The following SOBP variants were observed in gnomAD, a reference collection of about 807,000 sequenced individuals.
The protein encoded by SOBP is sine oculis binding protein homolog.
Under a neutral mutation model 53.6 loss-of-function variants are expected in SOBP, and 4 were observed. The observed-to-expected ratio is 0.07, with a 90% confidence interval of 0.04 to 0.17. The LOEUF is 0.17. Among genes scored for constraint, SOBP ranks in the 10% least tolerant of loss-of-function variants. SOBP has a pLI of 1.00. For synonymous variants in SOBP, 584 were observed against 522.6 expected (o/e 1.12, Z -1.60); for missense variants, 1,088 against 1,204.7 (o/e 0.90, Z 1.43).
At chr6:107,624,921 G>A (rs1248685356) in intron 5 of SOBP, among the ~76,000 whole-genome samples, 1 of 152,214 alleles carries the variant, frequency 6.6e-6, no homozygotes, top group East Asian at 1.9e-4. Flanking sequence ...TCTTAATCCT[G>A]TAATTTGTAG....
intron 4 of SOBP, among the ~76,000 whole-genome samples, chr6:107,553,485 C>T (rs1232190585): frequency 6.6e-6 from 1 of 150,796 alleles, no homozygotes; most frequent in Non-Finnish European, 1.5e-5. Context: ...CACGCCACTA[C>T]ACCTGGCTAA....
At chr6:107,554,750 A>G (rs1784559292) in intron 4 of SOBP, among the ~76,000 whole-genome samples, 1 of 152,190 alleles carries the variant, frequency 6.6e-6, no homozygotes, top group Non-Finnish European at 1.5e-5. Context: ...CTGTTCTGGA[A>G]AAAACGCATC....
At chr6:107,569,049 TG>T (rs1446471273) in intron 4 of SOBP, among the ~76,000 whole-genome samples, 1 of 152,168 alleles carries the variant, frequency 6.6e-6, no homozygotes, top group Non-Finnish European at 1.5e-5. Context: ...AAAATCTATT[TG>T]GGGGGCAGGT....
chr6:107,648,659 G>A (rs1771663182), intron 6 of SOBP, among the ~76,000 whole-genome samples: 1 of 152,048 alleles, frequency 6.6e-6, no homozygotes, highest in Admixed American at 6.5e-5. Context: ...TCAGGGCAAA[G>A]AAGGGGGGAG....
intron 4 of SOBP, among the ~76,000 whole-genome samples, chr6:107,549,447 A>AG (rs1470313120): frequency 4.4e-4 from 2 of 4,522 alleles, no homozygotes; most frequent in East Asian, 5.9e-3. Context: ...ATAGAAACTC[A>AG]GGAAAAAAAA....
chr6:107,616,905 G>T (rs1213940655), intron 5 of SOBP, among the ~76,000 whole-genome samples: 2 of 152,150 alleles, frequency 1.3e-5, no homozygotes, highest in East Asian at 3.9e-4. Flanking sequence ...AGTGCCATTT[G>T]CATCCAGGCA....
intron 5 of SOBP, among the ~76,000 whole-genome samples, chr6:107,625,511 G>A (rs1224750567): frequency 2.0e-5 from 3 of 152,212 alleles, no homozygotes; most frequent in African/African-American, 4.8e-5. Context: ...CAGAAAGTGG[G>A]CTAAGGTAGT....
chr6:107,504,126 C>T lies in SOBP; in HGVS notation c.235+331C>T, dbSNP rs145837472. ...GAGTTTCCTGATCACTTTGATAGAT[C>T]ATCATCTGTTGGGGACTGGGGTTTC... On this transcript the variant is annotated intron_variant, in intron 2 of 6. Coordinates refer to ENST00000317357, the MANE Select transcript of SOBP (RefSeq NM_018013.4). 8.5e-5 allele frequency among the ~76,000 whole-genome samples: 13 copies of T among 152,308 alleles called. No homozygotes were observed. In the East Asian group the frequency reaches 2.3e-3, roughly 27 times the overall value.
chr6:107,616,041 A>C (rs1287734526), intron 5 of SOBP, among the ~76,000 whole-genome samples: 1 of 132,988 alleles, frequency 7.5e-6, no homozygotes, highest in African/African-American at 2.9e-5. Context: ...AAAAAGAAAA[A>C]AAAAAGAAAA....
At chr6:107,623,005 C>T (rs975059124) in intron 5 of SOBP, among the ~76,000 whole-genome samples, 5 of 152,176 alleles carry the variant, frequency 3.3e-5, no homozygotes, top group African/African-American at 1.2e-4. Flanking sequence ...ACTTTGACCA[C>T]CATCTGATTA....
In SOBP at chr6:107,591,426, G is replaced by T. The variant is rs147119644; in HGVS notation, c.669+4251G>T. 2.4e-4 allele frequency among the ~76,000 whole-genome samples: 37 copies of T among 152,208 alleles called. 1 individual carries two copies. Among genetic ancestry groups the T allele is most frequent in the Non-Finnish European group, 4.4e-5 (3 of 68,040 alleles). ...TTGGAGTACAGAGGAGGAAGAGATT[G>T]TTTCTGTATGCAGTCATTAAAAACT... On this transcript the variant is annotated intron_variant, in intron 5 of 6. Transcript: ENST00000317357.
At position 107,661,189 on chromosome 6, in the gene SOBP, G is replaced by T. The variant is rs115697522; in HGVS notation, c.*2986G>T. Among the ~76,000 whole-genome samples, 627 of 152,224 alleles carry T rather than the reference G, an allele frequency of 4.1e-3. 5 individuals carry two copies. The highest frequency in any genetic ancestry group is 0.014 in the African/African-American group (593 of 41,528). Reference sequence around the variant, plus strand: ...TGTTCCAGCATAGAAAGATTCTGTGGCATCTCATAAGCCATCAGCACCCCT... The same window carrying T: ...TGTTCCAGCATAGAAAGATTCTGTGTCATCTCATAAGCCATCAGCACCCCT... On this transcript the variant is annotated 3_prime_UTR_variant, in exon 7 of 7. Transcript: ENST00000317357.
At chr6:107,574,610 C>T (rs781150563) in intron 4 of SOBP, among the ~76,000 whole-genome samples, 11 of 152,134 alleles carry the variant, frequency 7.2e-5, no homozygotes, top group Non-Finnish European at 1.2e-4. Context: ...CCCATCTCTA[C>T]GCAGGGTTTC....
intron 2 of SOBP, among the ~76,000 whole-genome samples, chr6:107,505,981 A>G (rs1481610083): frequency 6.6e-6 from 1 of 152,216 alleles, no homozygotes; most frequent in East Asian, 1.9e-4. Context: ...GGAATTTTAC[A>G]GTGCTAAAAT....
chr6:107,599,001 G>A (rs961506013), intron 5 of SOBP, among the ~76,000 whole-genome samples: 4 of 152,108 alleles, frequency 2.6e-5, no homozygotes, highest in Admixed American at 2.0e-4. Flanking sequence ...GGATCAGTAC[G>A]ATTTAAACTA....
Position 107,493,001 on chromosome 6 carries a change from A to G in SOBP, c.96+2289A>G, listed in dbSNP as rs370272339. 3.5e-4 allele frequency among the ~76,000 whole-genome samples: 53 copies of G among 152,306 alleles called. No individual in the cohort carries two copies. The South Asian group carries it at 9.9e-3, about 29-fold the overall frequency. ...GTCCTCACTTAAAAAGTGGTTTCTC[A>G]AAGTCAAAAGGTGGAAGGATTATTT... is the stretch of plus-strand genomic sequence containing the variant. On this transcript the variant is annotated intron_variant, in intron 1 of 6. Coordinates refer to ENST00000317357, the MANE Select transcript of SOBP (RefSeq NM_018013.4).
chr6:107,523,681 T>C (rs1254307393), intron 3 of SOBP, among the ~76,000 whole-genome samples: 1 of 152,190 alleles, frequency 6.6e-6, no homozygotes, highest in Non-Finnish European at 1.5e-5. Context: ...AGGAGGGACT[T>C]GGCTTGCTCT....
rs941209224 is a variant in SOBP at position 107,548,444 on chromosome 6, G to A, written c.573+14834G>A. Among the ~76,000 whole-genome samples the A allele has an allele frequency of 7.2e-5, 11 of 152,016 alleles. No individual in the cohort carries two copies. The East Asian group carries it at 1.6e-3, about 22-fold the overall frequency. ...TTTTTAGTAGAGACAGGGTTTCATT[G>A]TGTTAGCCAGGATGGTCTCCATCTC... On this transcript the variant is annotated intron_variant, in intron 4 of 6. Coordinates refer to ENST00000317357, the MANE Select transcript of SOBP (RefSeq NM_018013.4).
intron 5 of SOBP, among the ~76,000 whole-genome samples, chr6:107,607,639 A>ATCATGTGAAGT (rs1786434592): frequency 6.6e-6 from 1 of 152,208 alleles, no homozygotes; most frequent in Admixed American, 6.5e-5. Context: ...GAAAGAGCTG[A>ATCATGTGAAGT]TCATGTGTAG....
Sources: allele counts gnomAD v4.1 joint callset (sites outside exome capture counted in the v4.1 genomes callset), GRCh38; gene constraint gnomAD v4.1.1; transcripts MANE v1.5; gene names NCBI Gene and HGNC (gene_info 2026-07-23, HGNC 2026-07-21).